SOCS7: variants seen among roughly 807,000 people sequenced by gnomAD.
SOCS7 encodes the protein NAP-4.
In SOCS7, 18 loss-of-function variants were observed where a neutral mutation model predicts 58.9. The observed-to-expected ratio is 0.31, with a 90% CI of 0.21 to 0.45. The LOEUF is 0.45. SOCS7 is among the 20% of genes least tolerant of loss of function. The pLI is 1.00. For missense variants in SOCS7, 667 were observed against 837.3 expected, an observed-to-expected ratio of 0.80 and a Z score of 2.51; for synonymous variants, 388 against 364.3, an observed-to-expected ratio of 1.06 and a Z score of -0.74.
At chr17:38,396,026 C>G in intron 9 of SOCS7, 28 bp downstream of exon 9, 1 of 1,533,380 alleles carries the variant, frequency 6.5e-7, no homozygotes, top group Non-Finnish European at 8.7e-7. Flanking sequence ...CACTGCCCAG[C>G]CACATTTCTT....
In SOCS7 at chr17:38,400,877, G is replaced by A. The variant is rs1430410986; in HGVS notation, c.*1395G>A. 4.6e-5 allele frequency: 7 copies of A among 152,222 alleles called. No homozygotes were observed. Among genetic ancestry groups the A allele is most frequent in the Admixed American group, 4.6e-4 (7 of 15,286 alleles). The allele number at this position is 152,222 out of a possible 1,614,324, so 9.4% of individuals were successfully genotyped here. On this transcript the variant is annotated 3_prime_UTR_variant, in exon 10 of 10. Transcript: ENST00000612932. The stretch of plus-strand genomic sequence containing the variant: ...CATTGTGAGTTTGCTTTCTTATAGA[G>A]CTGCTCTGGGGAGAGGTTTGCTATT...
chr17:38,374,399 A>G (rs1322681592), intron 6 of SOCS7, among the ~76,000 whole-genome samples: 3 of 151,886 alleles, frequency 2.0e-5, no homozygotes, highest in African/African-American at 7.3e-5. Context: ...TTAGCTGGGC[A>G]CTGTCATGCG....
intron 7 of SOCS7, among the ~76,000 whole-genome samples, chr17:38,383,795 C>G (rs963529782): frequency 6.6e-6 from 1 of 152,126 alleles, no homozygotes; most frequent in African/African-American, 2.4e-5. Context: ...CCACCCGCCT[C>G]GGCCTCCCAA....
intron 7 of SOCS7, among the ~76,000 whole-genome samples, chr17:38,380,651 AATAATG>A (rs1465330394): frequency 6.6e-6 from 1 of 151,254 alleles, no homozygotes; most frequent in East Asian, 1.9e-4. Context: ...AAATAATAAT[AATAATG>A]ATAATGATGT....
intron 7 of SOCS7, among the ~76,000 whole-genome samples, chr17:38,380,883 T>A (rs2037992272): frequency 6.6e-6 from 1 of 151,770 alleles, no homozygotes; most frequent in African/African-American, 2.4e-5. Context: ...AAAATAAATT[T>A]AAAAATAAAA....
chr17:38,370,139 A>G (rs997125318), intron 6 of SOCS7, among the ~76,000 whole-genome samples: 1 of 151,874 alleles, frequency 6.6e-6, no homozygotes, highest in African/African-American at 2.4e-5. Context: ...CTGGGATTAC[A>G]GGTGTGCACC....
intron 9 of SOCS7, among the ~76,000 whole-genome samples, chr17:38,397,772 A>G (rs1157110842): frequency 6.6e-6 from 1 of 152,242 alleles, no homozygotes; most frequent in East Asian, 1.9e-4. Context: ...GGCAGCAAAC[A>G]TGAACATAAA....
intron 9 of SOCS7, among the ~76,000 whole-genome samples, chr17:38,398,318 C>G (rs1555571795): frequency 6.7e-6 from 1 of 150,272 alleles, no homozygotes; most frequent in Non-Finnish European, 1.5e-5. Context: ...TCTTGGCTCA[C>G]TGCAACCTCC....
At chr17:38,364,989 A>G (rs1422479193) in intron 3 of SOCS7, 133 bp downstream of exon 3, 1 of 667,662 alleles carries the variant, frequency 1.5e-6, no homozygotes, top group Non-Finnish European at 2.6e-6. Context: ...CTTTCTCAGC[A>G]CCCCGTCATC....
Position 38,352,950 on chromosome 17 carries a change from A to G in SOCS7, c.898A>G (p.Arg300Gly). 2.5e-6 allele frequency: 4 copies of G among 1,608,172 alleles called. No individual in the cohort carries two copies. Among genetic ancestry groups the G allele is most frequent in the Non-Finnish European group, 3.4e-6 (4 of 1,178,610 alleles). Residue 300 changes from arginine (R) to glycine (G), a missense_variant, in exon 1 of 10, where the codon AGG (arginine) becomes GGG (glycine). Physicochemically the swap from Arg to Gly is moderately radical, Grantham distance 125 (BLOSUM62 -2). This residue lies in a region of SOCS7 where 208 missense variants were observed against 190.3 expected (regional missense o/e 1.09). Transcript: ENST00000612932. This position sits in a 1 kb window ranked among gnomAD's most constrained non-coding sequence, Gnocchi z 5.5. ...GSGGGDGTGK[R>G]PSGELAASAA... ...CGGCGGTGGGGATGGGACCGGCAAG[A>G]GGCCTTCTGGAGAGCTGGCTGCTTC...
At chr17:38,389,863 G>GTGTGTATATATATATATATA (rs1555571058) in intron 7 of SOCS7, among the ~76,000 whole-genome samples, 233 of 22,338 alleles carry the variant, frequency 0.01, 46 homozygotes, top group Middle Eastern at 0.037. Context: ...GTGTGTATGT[G>GTGTGTATATATATATATATA]TGTACATATA....
chr17:38,395,503 C>T, intron 8 of SOCS7, 59 bp downstream of exon 8: 5 of 1,555,390 alleles, frequency 3.2e-6, no homozygotes, highest in Non-Finnish European at 4.4e-6. Context: ...GGGGAGGTAA[C>T]AATGTCAGTG....
At chr17:38,360,790 T>C (rs1446016106) in intron 1 of SOCS7, among the ~76,000 whole-genome samples, 2 of 152,136 alleles carry the variant, frequency 1.3e-5, no homozygotes, top group African/African-American at 2.4e-5. Flanking sequence ...CCGCCTGCCT[T>C]GGCCTCCCAA....
intron 6 of SOCS7, among the ~76,000 whole-genome samples, chr17:38,374,006 A>C (rs1458731535): frequency 6.6e-6 from 1 of 152,016 alleles, no homozygotes; most frequent in Non-Finnish European, 1.5e-5. Context: ...GGATCACCTG[A>C]GGTCAGGAGT....
rs191847097 is a variant in SOCS7, at chr17:38,371,097, T to C, written c.1552+3047T>C. Among the ~76,000 whole-genome samples, 18 of 152,206 alleles carry C rather than the reference T, an allele frequency of 1.2e-4. 1 individual carries two copies. Among genetic ancestry groups the C allele is most frequent in the East Asian group, 1.2e-3 (6 of 5,182 alleles). On this transcript the variant is annotated intron_variant, in intron 6 of 9. Coordinates refer to ENST00000612932, the MANE Select transcript of SOCS7 (RefSeq NM_014598.4). ...TTCTCTTGACTGATTAGTATCCCTT[T>C]TTTGTGTTTGTTTGTTTGTTTTGTT... is the stretch of plus-strand genomic sequence containing the variant.
intron 1 of SOCS7, among the ~76,000 whole-genome samples, chr17:38,356,831 A>G (rs1422143381): frequency 6.6e-6 from 1 of 152,214 alleles, no homozygotes; most frequent in Non-Finnish European, 1.5e-5. Context: ...TAGCATTGCT[A>G]TTTCAGGAAA....
rs979608556 is a variant in SOCS7, at chr17:38,352,168, C to T, written c.116C>T (p.Pro39Leu). ...EAAPEPGPPP[P>L]PPGHGPPPPP... is the part of the protein sequence containing the mutation. ...GCCCCCGAGCCAGGCCCTCCGCCACCGCCCCCGGGCCATGGCCCCCCGCCG... is the reference window on the plus strand; with the variant it reads ...GCCCCCGAGCCAGGCCCTCCGCCACTGCCCCCGGGCCATGGCCCCCCGCCG... Residue 39 changes from proline (P) to leucine (L), a missense_variant, in exon 1 of 10, where the codon CCG becomes CTG. Transcript: ENST00000612932. The surrounding 1 kb of genome is among the most constrained non-coding windows in gnomAD (Gnocchi z 5.5). 75 of 1,239,568 alleles carry T rather than the reference C, an allele frequency of 6.1e-5. No individual in the cohort carries two copies. The South Asian group carries it at 7.8e-4, about 13-fold the overall frequency. 76.8% of individuals were successfully genotyped at this position (1,239,568 alleles called of 1,614,324 possible).
chr17:38,361,639 G>A, intron 1 of SOCS7, 72 bp from the exon 2 acceptor site: 1 of 1,130,066 alleles, frequency 8.8e-7, no homozygotes, highest in South Asian at 1.2e-5. Flanking sequence ...CTGGAACTGA[G>A]TGTTGTGGTG....
chr17:38,352,984 G>C lies in SOCS7; in HGVS notation c.932G>C (p.Ser311Thr). 1.2e-6 allele frequency: 2 copies of C among 1,606,286 alleles called. No homozygotes were observed. The highest frequency in any genetic ancestry group is 1.7e-6 in the Non-Finnish European group (2 of 1,178,070). The change falls in exon 1 of 10, where the codon AGC (serine) becomes ACC (threonine). Residue 311 changes from serine (S) to threonine (T), a missense_variant. Transcript: ENST00000612932. This position sits in a 1 kb window ranked among gnomAD's most constrained non-coding sequence, Gnocchi z 5.5. ...GGAGAGCTGGCTGCTTCAGCTGCGA[G>C]CCTGACAGACATGGGAGGCTCTGCG... The part of the protein sequence containing the change: ...PSGELAASAA[S>T]LTDMGGSAGR...
Sources: gnomAD v4.1 joint callset for allele counts (sites outside exome capture counted in the v4.1 genomes callset) on GRCh38, gnomAD v4.1.1 for gene constraint, gnomAD v4.1.1 regional missense constraint, Gnocchi (gnomAD v3.1) non-coding constraint, MANE v1.5 for transcripts, NCBI Gene and HGNC (gene_info 2026-07-23, HGNC 2026-07-21) for gene names.